Variants in SH3GL2 observed in about 807,000 individuals in gnomAD.
The protein encoded by SH3GL2 is SH3 domain containing GRB2 like 2, endophilin A1, also known as endophilin-A1.
Under a neutral mutation model 46.0 loss-of-function variants are expected in SH3GL2, and 24 were observed. The observed-to-expected ratio is 0.52, with a 90% CI of 0.38 to 0.73. The LOEUF is 0.73. Among genes scored for constraint, SH3GL2 ranks in the 30% least tolerant of loss-of-function variants. The pLI is 0.00. For synonymous variants in SH3GL2, 196 were observed against 147.1 expected (o/e 1.33, Z -2.40); for missense variants, 413 against 424.2 (o/e 0.97, Z 0.23).
chr9:17,685,696 A>G (rs1820884933), intron 1 of SH3GL2, among the ~76,000 whole-genome samples: 1 of 152,064 alleles, frequency 6.6e-6, no homozygotes, highest in Admixed American at 6.6e-5. Flanking sequence ...ACCATTTATT[A>G]AACAGGGAAT....
intron 1 of SH3GL2, among the ~76,000 whole-genome samples, chr9:17,587,134 G>T (rs576182573): frequency 2.0e-5 from 3 of 152,198 alleles, no homozygotes; most frequent in Admixed American, 6.5e-5. Context: ...CCTGGGAGGC[G>T]GAGGCTACAG....
At chr9:17,637,240 T>G (rs1383686744) in intron 1 of SH3GL2, among the ~76,000 whole-genome samples, 1 of 152,192 alleles carries the variant, frequency 6.6e-6, no homozygotes, top group African/African-American at 2.4e-5. Flanking sequence ...TTTAGCCATA[T>G]ATATCTTATT....
Position 17,795,779 on chromosome 9 carries a change from A to C in SH3GL2, c.*36A>C, listed in dbSNP as rs376532004. ...TGGCTGGCTCGCCTCCTCTTGACCC[A>C]GATAGTTACGGTTAACCACTGCTTT... On this transcript the variant is annotated 3_prime_UTR_variant, in exon 9 of 9. Coordinates refer to ENST00000380607, the MANE Select transcript of SH3GL2 (RefSeq NM_003026.5). 1 of 1,549,170 alleles carries C rather than the reference A, an allele frequency of 6.5e-7. No individual in the cohort carries two copies. The highest frequency in any genetic ancestry group is 1.4e-5 in the African/African-American group (1 of 73,700).
At chr9:17,668,317 G>T (rs1820393120) in intron 1 of SH3GL2, among the ~76,000 whole-genome samples, 1 of 152,166 alleles carries the variant, frequency 6.6e-6, no homozygotes, top group South Asian at 2.1e-4. Flanking sequence ...TAGGTGTCCA[G>T]CTTCATTCTT....
chr9:17,653,077 T>G (rs999817075), intron 1 of SH3GL2, among the ~76,000 whole-genome samples: 2 of 152,210 alleles, frequency 1.3e-5, no homozygotes, highest in Non-Finnish European at 2.9e-5. Flanking sequence ...ACTGGTTGAA[T>G]CATGGTTTTC....
At chr9:17,644,186 T>G (rs1819751676) in intron 1 of SH3GL2, among the ~76,000 whole-genome samples, 1 of 152,150 alleles carries the variant, frequency 6.6e-6, no homozygotes, top group African/African-American at 2.4e-5. Context: ...GGTATCCCCT[T>G]TATATCATTT....
At chr9:17,744,912 A>G (rs1350952479) in intron 1 of SH3GL2, among the ~76,000 whole-genome samples, 1 of 152,154 alleles carries the variant, frequency 6.6e-6, no homozygotes, top group Non-Finnish European at 1.5e-5. Flanking sequence ...TCAAGGATTA[A>G]GAGTTAAGGC....
In SH3GL2 at chr9:17,664,857, A is replaced by G. The variant is rs1004519722; in HGVS notation, c.46-82209A>G. Among the ~76,000 whole-genome samples, 7 of 151,956 alleles carry G rather than the reference A, an allele frequency of 4.6e-5. No homozygotes were observed. The East Asian group carries it at 1.4e-3, about 29-fold the overall frequency. Reference sequence around the variant, plus strand: ...GTCCTAGAGGACAGTGACATTTTAGAGGAAATTTATTCAAACCACAAGGGA... The same window carrying G: ...GTCCTAGAGGACAGTGACATTTTAGGGGAAATTTATTCAAACCACAAGGGA... On this transcript the variant is annotated intron_variant, in intron 1 of 8. Transcript: ENST00000380607.
At chr9:17,746,925 A>G (rs759423525) in intron 1 of SH3GL2, 141 bp from the exon 2 acceptor site, 2 of 612,180 alleles carry the variant, frequency 3.3e-6, no homozygotes, top group African/African-American at 1.9e-5. Context: ...GTTTGCTGCT[A>G]TAAAAATGAG....
intron 1 of SH3GL2, among the ~76,000 whole-genome samples, chr9:17,746,362 C>T (rs899002190): frequency 1.3e-4 from 20 of 152,210 alleles, no homozygotes; most frequent in African/African-American, 4.1e-4. Flanking sequence ...AGGTGTGAGT[C>T]ACTGCGCCCG....
At chr9:17,690,736 G>A (rs1021376420) in intron 1 of SH3GL2, among the ~76,000 whole-genome samples, 7 of 152,022 alleles carry the variant, frequency 4.6e-5, no homozygotes, top group African/African-American at 1.7e-4. Flanking sequence ...GAAAAGTGCC[G>A]GGTACTAGGG....
intron 1 of SH3GL2, among the ~76,000 whole-genome samples, chr9:17,583,028 A>G (rs971426321): frequency 2.6e-5 from 4 of 152,128 alleles, no homozygotes; most frequent in Non-Finnish European, 5.9e-5. Flanking sequence ...TAATGCCCCT[A>G]TTTCCAAATA....
intron 2 of SH3GL2, among the ~76,000 whole-genome samples, chr9:17,754,654 CA>C (rs1300035715): frequency 6.6e-6 from 1 of 152,160 alleles, no homozygotes; most frequent in African/African-American, 2.4e-5. Context: ...GCCTGGGCGG[CA>C]GAGTGAGACT....
intron 3 of SH3GL2, 32 bp from the exon 4 acceptor site, chr9:17,786,349 A>G (rs769849699): frequency 7.5e-6 from 12 of 1,590,168 alleles, no homozygotes; most frequent in African/African-American, 1.4e-5. Context: ...CACATTGCCT[A>G]CTCTGAAAGC....
chr9:17,626,207 C>A (rs1433522522), intron 1 of SH3GL2, among the ~76,000 whole-genome samples: 1 of 152,178 alleles, frequency 6.6e-6, no homozygotes, highest in Non-Finnish European at 1.5e-5. Context: ...CTCCACCTGG[C>A]ACCTGCTTCT....
chr9:17,595,994 A>G (rs963008672), intron 1 of SH3GL2, among the ~76,000 whole-genome samples: 15 of 152,170 alleles, frequency 9.9e-5, no homozygotes, highest in African/African-American at 3.4e-4. Flanking sequence ...TTGATCTATT[A>G]CAAAATTTTC....
intron 1 of SH3GL2, among the ~76,000 whole-genome samples, chr9:17,731,732 G>A (rs1265959581): frequency 2.0e-5 from 3 of 152,148 alleles, no homozygotes; most frequent in African/African-American, 7.2e-5. Flanking sequence ...GGAAGCCTTA[G>A]TTTAGTCCAA....
At chr9:17,692,806 C>T (rs747955516) in intron 1 of SH3GL2, among the ~76,000 whole-genome samples, 9 of 152,224 alleles carry the variant, frequency 5.9e-5, no homozygotes, top group African/African-American at 1.4e-4. Flanking sequence ...ATTGGACTTA[C>T]GGTTCCACTT....
At chr9:17,761,105 C>T (rs1322934737) in intron 2 of SH3GL2, among the ~76,000 whole-genome samples, 1 of 152,152 alleles carries the variant, frequency 6.6e-6, no homozygotes, top group Non-Finnish European at 1.5e-5. Context: ...CATGCCTGAC[C>T]CACTGTAGGC....
Sources: gnomAD v4.1 joint callset for allele counts (sites outside exome capture counted in the v4.1 genomes callset) on GRCh38, gnomAD v4.1.1 for gene constraint, MANE v1.5 for transcripts, NCBI Gene and HGNC (gene_info 2026-07-23, HGNC 2026-07-21) for gene names.